RASGRP3: variants seen among roughly 807,000 people sequenced by gnomAD.
RASGRP3 encodes the protein ras guanyl-releasing protein 3.
A neutral mutation model predicts 82.7 loss-of-function variants in RASGRP3; 54 were observed. That is an observed-to-expected ratio of 0.65 (90% confidence interval 0.52 to 0.82). RASGRP3 has a LOEUF of 0.82. RASGRP3 is among the 40% of genes least tolerant of loss of function. The pLI is 0.00. For synonymous variants in RASGRP3, 309 were observed against 300.5 expected (o/e 1.03, Z -0.29); for missense variants, 861 against 828.9 (o/e 1.04, Z -0.48).
chr2:33,539,055 T>TA, intron 11 of RASGRP3, 39 bp from the exon 12 acceptor site: 1 of 1,367,560 alleles, frequency 7.3e-7, no homozygotes, highest in South Asian at 1.3e-5. Context: ...ATAATAATAA[T>TA]AAAGTTGAAA....
At chr2:33,448,861 T>A (rs1665639365) in intron 2 of RASGRP3, among the ~76,000 whole-genome samples, 1 of 152,228 alleles carries the variant, frequency 6.6e-6, no homozygotes, top group Admixed American at 6.5e-5. Context: ...CTATATAATA[T>A]AGCAAAACGC....
At chr2:33,558,576 A>G in intron 16 of RASGRP3, 96 bp from the exon 17 acceptor site, 1 of 1,205,790 alleles carries the variant, frequency 8.3e-7, no homozygotes, top group Non-Finnish European at 1.2e-6. Flanking sequence ...TTCCTCTAGA[A>G]TGTTGCATGC....
intron 1 of RASGRP3, among the ~76,000 whole-genome samples, chr2:33,479,404 G>A (rs1038690698): frequency 1.4e-5 from 2 of 142,032 alleles, no homozygotes; most frequent in African/African-American, 4.9e-5. Context: ...TCCTTTGGAG[G>A]ACAGCCACTC....
At position 33,564,368 on chromosome 2, in the gene RASGRP3, A is replaced by G. The variant is rs1356555196; in HGVS notation, c.*1631A>G. ...GGAGGAGCTGTGATTAAGCTGGATA[A>G]TAAGAGAACGTGCCATCTGTAAAGC... On this transcript the variant is annotated 3_prime_UTR_variant, in exon 18 of 18. Coordinates refer to ENST00000403687, the MANE Select transcript of RASGRP3 (RefSeq NM_001139488.2). 6.6e-6 allele frequency: 1 copy of G among 152,238 alleles called. No homozygotes were observed. The highest frequency in any genetic ancestry group is 1.5e-5 in the Non-Finnish European group (1 of 68,050). 9.4% of individuals were successfully genotyped at this position (152,238 alleles called of 1,614,324 possible).
At chr2:33,485,556 C>G (rs141040229) in intron 1 of RASGRP3, among the ~76,000 whole-genome samples, 43 of 152,300 alleles carry the variant, frequency 2.8e-4, no homozygotes, top group Admixed American at 1.6e-3. Context: ...GACTGTTGGA[C>G]TAGCTGATTA....
chr2:33,447,653 G>C (rs1490096542), intron 1 of RASGRP3, among the ~76,000 whole-genome samples: 1 of 152,006 alleles, frequency 6.6e-6, no homozygotes, highest in East Asian at 1.9e-4. Context: ...TTGAACTCCT[G>C]ATATCAAGTG....
At chr2:33,526,392 A>G (rs928987982) in intron 9 of RASGRP3, among the ~76,000 whole-genome samples, 1 of 152,224 alleles carries the variant, frequency 6.6e-6, no homozygotes, top group Non-Finnish European at 1.5e-5. Flanking sequence ...TAAGCCACAG[A>G]AGTACCGTTG....
intron 1 of RASGRP3, among the ~76,000 whole-genome samples, chr2:33,481,019 T>G (rs115487959): frequency 0.015 from 2,330 of 152,244 alleles, 61 homozygotes; most frequent in African/African-American, 0.053. Flanking sequence ...ATCACCATTG[T>G]TTTCAAAGAG....
At chr2:33,554,441 A>C (rs536986318) in intron 14 of RASGRP3, among the ~76,000 whole-genome samples, 12 of 152,224 alleles carry the variant, frequency 7.9e-5, no homozygotes, top group Middle Eastern at 3.4e-3. Flanking sequence ...CCCATGCAAG[A>C]GGTGTGGGGA....
intron 2 of RASGRP3, among the ~76,000 whole-genome samples, chr2:33,514,240 G>C (rs927815258): frequency 1.1e-4 from 17 of 152,088 alleles, no homozygotes; most frequent in African/African-American, 4.1e-4. Flanking sequence ...TGTTACAGTT[G>C]TTGAATATTT....
At chr2:33,547,053 G>GAAAAAAAAAAAAAAAAAAAAAAGAAA (rs767124838) in intron 13 of RASGRP3, among the ~76,000 whole-genome samples, 1 of 123,924 alleles carries the variant, frequency 8.1e-6, no homozygotes, top group Non-Finnish European at 1.6e-5. Flanking sequence ...CTGTCTCAGG[G>GAAAAAAAAAAAAAAAAAAAAAAGAAA]AAAAAAAAAA....
chr2:33,441,970 TATA>T (rs1217684104), intron 1 of RASGRP3, among the ~76,000 whole-genome samples: 1 of 152,210 alleles, frequency 6.6e-6, no homozygotes, highest in African/African-American at 2.4e-5. Flanking sequence ...TAAATTACAT[TATA>T]ATATTTAATG....
chr2:33,507,743 C>T (rs952579681), intron 1 of RASGRP3, among the ~76,000 whole-genome samples: 15 of 152,164 alleles, frequency 9.9e-5, no homozygotes, highest in African/African-American at 3.6e-4. Flanking sequence ...CCAGGCTGGT[C>T]TCGAACTCCT....
intron 2 of RASGRP3, chr2:33,457,989 G>T (rs542601533): frequency 6.6e-6 from 1 of 152,148 alleles, no homozygotes; most frequent in Non-Finnish European, 1.5e-5. Context: ...GGACTCTGAC[G>T]TGAGTGCTGA....
At chr2:33,440,036 T>C (rs1209190708) in intron 1 of RASGRP3, among the ~76,000 whole-genome samples, 1 of 151,960 alleles carries the variant, frequency 6.6e-6, no homozygotes, top group African/African-American at 2.4e-5. Flanking sequence ...TTCAAGAGGA[T>C]GTTATGTTTT....
chr2:33,451,295 A>G (rs1432320952), intron 2 of RASGRP3, among the ~76,000 whole-genome samples: 1 of 152,044 alleles, frequency 6.6e-6, no homozygotes, highest in African/African-American at 2.4e-5. Flanking sequence ...TTCCTTACAT[A>G]TTTTGGATAT....
intron 14 of RASGRP3, among the ~76,000 whole-genome samples, chr2:33,552,573 T>A (rs1312538361): frequency 1.3e-5 from 2 of 152,170 alleles, no homozygotes; most frequent in Non-Finnish European, 1.5e-5. Context: ...AATTTATAAC[T>A]ATAGCTCTAT....
At chr2:33,469,063 A>G (rs775567251) in intron 2 of RASGRP3, among the ~76,000 whole-genome samples, 1 of 152,200 alleles carries the variant, frequency 6.6e-6, no homozygotes, top group Non-Finnish European at 1.5e-5. Context: ...TAGATAATAA[A>G]TTGTATCTTA....
intron 13 of RASGRP3, among the ~76,000 whole-genome samples, chr2:33,545,205 ATC>A (rs1674621845): frequency 6.6e-6 from 1 of 152,216 alleles, no homozygotes; most frequent in Non-Finnish European, 1.5e-5. Flanking sequence ...ACTTATTGAT[ATC>A]TATAGAATTG....
Sources: allele counts gnomAD v4.1 joint callset (sites outside exome capture counted in the v4.1 genomes callset), GRCh38; gene constraint gnomAD v4.1.1; transcripts MANE v1.5; gene names NCBI Gene and HGNC (gene_info 2026-07-23, HGNC 2026-07-21).